PRDM5: variants seen among roughly 807,000 people sequenced by gnomAD.
PRDM5 encodes PR domain zinc finger protein 5.
Under a neutral mutation model 81.2 loss-of-function variants are expected in PRDM5, and 56 were observed. The observed-to-expected ratio is 0.69, with a 90% CI of 0.56 to 0.86. The LOEUF (loss-of-function observed/expected upper bound fraction) is 0.86. Among genes scored for constraint, PRDM5 ranks in the 40% least tolerant of loss-of-function variants. The pLI is 0.00. For synonymous variants in PRDM5, 267 were observed against 256.4 expected (o/e 1.04, Z -0.39); for missense variants, 697 against 770.1 (o/e 0.91, Z 1.12).
At chr4:120,774,162 C>T (rs1440261375) in intron 13 of PRDM5, among the ~76,000 whole-genome samples, 2 of 152,182 alleles carry the variant, frequency 1.3e-5, no homozygotes, top group Non-Finnish European at 2.9e-5. Flanking sequence ...ACAACATGAG[C>T]ATCAGTGATC....
intron 15 of PRDM5, among the ~76,000 whole-genome samples, chr4:120,700,232 C>T (rs781554571): frequency 1.4e-4 from 22 of 152,030 alleles, no homozygotes; most frequent in Non-Finnish European, 5.9e-5. Flanking sequence ...ATTCAATAAG[C>T]ACTGGGATAT....
At chr4:120,702,433 G>T (rs1735520576) in intron 15 of PRDM5, among the ~76,000 whole-genome samples, 1 of 152,130 alleles carries the variant, frequency 6.6e-6, no homozygotes, top group Non-Finnish European at 1.5e-5. Context: ...GGTGATGGTT[G>T]GTCTCTGTTA....
At chr4:120,791,763 C>T (rs752278747) in intron 10 of PRDM5, among the ~76,000 whole-genome samples, 11 of 152,144 alleles carry the variant, frequency 7.2e-5, no homozygotes, top group African/African-American at 1.9e-4. Flanking sequence ...GTCTTAACCC[C>T]CAATGTGATG....
chr4:120,798,448 A>T (rs190397274), intron 9 of PRDM5, 24 bp from the exon 10 acceptor site: 1 of 1,559,468 alleles, frequency 6.4e-7, no homozygotes, highest in Non-Finnish European at 8.8e-7. Context: ...GAGTGGAGAC[A>T]ATCTCATATC....
chr4:120,790,643 C>T (rs774300171), intron 10 of PRDM5, among the ~76,000 whole-genome samples: 3 of 152,112 alleles, frequency 2.0e-5, no homozygotes, highest in Admixed American at 6.6e-5. Flanking sequence ...AAAAAAATCA[C>T]GTTCTATAAA....
chr4:120,883,260 C>G (rs1763046778), intron 2 of PRDM5, among the ~76,000 whole-genome samples: 1 of 152,076 alleles, frequency 6.6e-6, no homozygotes, highest in African/African-American at 2.4e-5. Flanking sequence ...TTAATCATCT[C>G]CACATTGCAC....
chr4:120,703,521 G>C (rs1393691314), intron 15 of PRDM5, among the ~76,000 whole-genome samples: 1 of 152,048 alleles, frequency 6.6e-6, no homozygotes, highest in Non-Finnish European at 1.5e-5. Flanking sequence ...TACTCTACAA[G>C]AATGTGAGTT....
chr4:120,853,487 C>T lies in PRDM5; in HGVS notation c.231G>A (p.Arg77=), dbSNP rs765603481. The T allele has an allele frequency of 9.3e-6, 15 of 1,613,668 alleles. No homozygotes were observed. The highest frequency in any genetic ancestry group is 1.2e-5 in the Non-Finnish European group (14 of 1,179,766). Residue 77 remains arginine, a synonymous_variant, in exon 3 of 16, where the codon CGG becomes CGA. Transcript: ENST00000264808. The stretch of plus-strand genomic sequence containing the variant: ...GAACGAAGCGAAGCCAGTTGGAGTG[C>T]CGTGGGTTGGTAGCATCCAAAATGT... ...VLYILDATNP[R]HSNWLRFVHE...
At chr4:120,805,273 C>A (rs1011305153) in intron 8 of PRDM5, among the ~76,000 whole-genome samples, 29 of 152,290 alleles carry the variant, frequency 1.9e-4, no homozygotes, top group African/African-American at 6.0e-4. Flanking sequence ...ACCAGAGGTA[C>A]AAGGAGGAGC....
chr4:120,839,415 T>G, intron 3 of PRDM5: 1 of 644,206 alleles, frequency 1.6e-6, no homozygotes, highest in Non-Finnish European at 2.8e-6. Context: ...GCATTCAGGC[T>G]GCTAGCAGAG....
intron 11 of PRDM5, among the ~76,000 whole-genome samples, chr4:120,783,718 A>G (rs1412906813): frequency 3.3e-5 from 5 of 152,154 alleles, no homozygotes; most frequent in African/African-American, 1.2e-4. Flanking sequence ...CTTTTTAATA[A>G]GAAAACTGGT....
At chr4:120,701,057 G>A (rs768532789) in intron 15 of PRDM5, among the ~76,000 whole-genome samples, 3 of 151,990 alleles carry the variant, frequency 2.0e-5, no homozygotes, top group African/African-American at 4.8e-5. Flanking sequence ...CCTGGGAGGC[G>A]GAGGTTGCAG....
At chr4:120,758,485 T>C (rs1270302265) in intron 13 of PRDM5, among the ~76,000 whole-genome samples, 3 of 152,064 alleles carry the variant, frequency 2.0e-5, no homozygotes, top group African/African-American at 7.2e-5. Context: ...GATGTCCTCA[T>C]AAAAAGATGG....
chr4:120,807,205 T>C (rs1328721303), intron 8 of PRDM5, among the ~76,000 whole-genome samples: 2 of 152,180 alleles, frequency 1.3e-5, no homozygotes, highest in African/African-American at 4.8e-5. Flanking sequence ...GAACAACAGG[T>C]GCTGGAGAGG....
intron 14 of PRDM5, among the ~76,000 whole-genome samples, chr4:120,749,884 T>C (rs1381072122): frequency 6.6e-6 from 1 of 152,076 alleles, no homozygotes; most frequent in East Asian, 1.9e-4. Flanking sequence ...AGAAACCTCT[T>C]TCTCATGCCC....
At chr4:120,880,743 T>C (rs572286784) in intron 2 of PRDM5, among the ~76,000 whole-genome samples, 31 of 152,212 alleles carry the variant, frequency 2.0e-4, no homozygotes, top group Non-Finnish European at 3.7e-4. Context: ...AATATGTAAA[T>C]AGAGTACCAA....
rs772622444 is a variant in PRDM5, at chr4:120,811,445, A to T, written c.870T>A (p.Asp290Glu). Residue 290 changes from aspartate (D) to glutamate (E), a missense_variant, in exon 8 of 16, where the codon GAT becomes GAA. Physicochemically the swap from Asp to Glu is conservative, Grantham distance 45. Transcript: ENST00000264808. ...KRHQENVHTGDPKKKLICSVC... is the reference protein window; with the variant it reads ...KRHQENVHTGEPKKKLICSVC... The stretch of plus-strand genomic sequence containing the variant: ...CTGAACATATAAGCTTTTTCTTAGG[A>T]TCTCCTAAAATAGAAATAAAATACC... The T allele has an allele frequency of 1.3e-6, 2 of 1,571,030 alleles. No homozygotes were observed. Among genetic ancestry groups the T allele is most frequent in the Non-Finnish European group, 1.7e-6 (2 of 1,143,742 alleles).
intron 8 of PRDM5, among the ~76,000 whole-genome samples, chr4:120,810,834 T>G (rs763979890): frequency 2.3e-4 from 35 of 152,098 alleles, no homozygotes; most frequent in Non-Finnish European, 5.0e-4. Context: ...CTCAGACATA[T>G]CAACACAATA....
intron 1 of PRDM5, among the ~76,000 whole-genome samples, chr4:120,685,309 A>G (rs1355416943): frequency 4.6e-5 from 7 of 152,126 alleles, no homozygotes; most frequent in African/African-American, 1.7e-4. Flanking sequence ...AGCTGGATAT[A>G]GTTCAAACAT....
Sources: gnomAD v4.1 joint callset for allele counts (sites outside exome capture counted in the v4.1 genomes callset) on GRCh38, gnomAD v4.1.1 for gene constraint, MANE v1.5 for transcripts, NCBI Gene and HGNC (gene_info 2026-07-23, HGNC 2026-07-21) for gene names.